Variants in ADAMTSL1 observed in about 807,000 individuals in gnomAD.
ADAMTSL1 encodes the protein ADAMTS-like protein 1.
In ADAMTSL1, 126 loss-of-function variants were observed where a neutral mutation model predicts 201.8. The observed-to-expected ratio is 0.62, with a 90% CI of 0.54 to 0.72. The LOEUF (loss-of-function observed/expected upper bound fraction) is 0.72, where lower values mean the gene tolerates loss of function less well. ADAMTSL1 is among the 30% of genes least tolerant of loss of function. The pLI, the probability that ADAMTSL1 is intolerant of heterozygous loss-of-function variation, is 0.00. For synonymous variants in ADAMTSL1, 1,121 were observed against 903.4 expected, an observed-to-expected ratio of 1.24 and a Z score of -4.32; for missense variants, 2,679 against 2,277.8, an observed-to-expected ratio of 1.18 and a Z score of -3.59.
intron 2 of ADAMTSL1, among the ~76,000 whole-genome samples, chr9:18,367,932 CTCTG>C (rs1220246868): frequency 6.6e-6 from 1 of 151,940 alleles, no homozygotes; most frequent in Non-Finnish European, 1.5e-5. Flanking sequence ...CGGAGTCTCG[CTCTG>C]TCGCCCAGGC....
intron 1 of ADAMTSL1, among the ~76,000 whole-genome samples, chr9:18,044,500 G>T (rs938328613): frequency 6.6e-6 from 1 of 152,108 alleles, no homozygotes; most frequent in Non-Finnish European, 1.5e-5. Context: ...TTGGTGTAGG[G>T]ACTTGTAGGC....
chr9:18,214,775 T>G (rs1167525645), intron 2 of ADAMTSL1, among the ~76,000 whole-genome samples: 1 of 152,188 alleles, frequency 6.6e-6, no homozygotes, highest in Non-Finnish European at 1.5e-5. Context: ...TCAAAACATT[T>G]TAGAGAAAAT....
At chr9:18,814,918 A>G (rs894462516) in intron 20 of ADAMTSL1, among the ~76,000 whole-genome samples, 44 of 152,234 alleles carry the variant, frequency 2.9e-4, no homozygotes, top group African/African-American at 9.4e-4. Flanking sequence ...ACGTTTCTCA[A>G]AAGAATACAT....
Position 17,939,669 on chromosome 9 carries a change from C to CTCAT in ADAMTSL1, c.87+32761_87+32764dup, listed in dbSNP as rs568906030. Among the ~76,000 whole-genome samples the CTCAT allele has an allele frequency of 2.6e-4, 39 of 152,030 alleles. 1 individual carries two copies. In the East Asian group the frequency reaches 7.4e-3, roughly 29 times the overall value. ...TTTCAGCTGGATTTTGATGTTCTGC[C>CTCAT]TCATTCATTCATTCATTTACTTAGG... On this transcript the variant is annotated intron_variant, in intron 1 of 29. Coordinates refer to the ADAMTSL1 transcript ENST00000680146.
intron 1 of ADAMTSL1, among the ~76,000 whole-genome samples, chr9:18,119,208 A>G (rs1458068643): frequency 6.6e-6 from 1 of 152,220 alleles, no homozygotes; most frequent in Non-Finnish European, 1.5e-5. Flanking sequence ...AACACTTCTC[A>G]TCAAGATGCT....
intron 14 of ADAMTSL1, among the ~76,000 whole-genome samples, chr9:18,712,558 CA>C (rs1832681522): frequency 2.0e-5 from 3 of 151,896 alleles, no homozygotes; most frequent in Admixed American, 2.0e-4. Context: ...AAGAAAGAAT[CA>C]AAAGAAATGA....
intron 25 of ADAMTSL1, among the ~76,000 whole-genome samples, chr9:18,891,393 C>A (rs187483820): frequency 2.6e-5 from 4 of 151,966 alleles, no homozygotes; most frequent in Admixed American, 1.3e-4. Context: ...TTTTTTTGTT[C>A]TAGATTACAT....
At chr9:18,716,986 G>A in intron 14 of ADAMTSL1, among the ~76,000 whole-genome samples, 1 of 129,534 alleles carries the variant, frequency 7.7e-6, no homozygotes, top group Non-Finnish European at 1.7e-5. Context: ...ACTATCGCAA[G>A]AACAAAAAAC....
chr9:18,023,859 A>G (rs1820582956), intron 1 of ADAMTSL1, among the ~76,000 whole-genome samples: 1 of 152,166 alleles, frequency 6.6e-6, no homozygotes. Flanking sequence ...AATTCAGGAG[A>G]AAATAGTTTG....
rs1828997711 is a variant in ADAMTSL1 at position 18,887,850 on chromosome 9, C to A, written c.4269C>A (p.His1423Gln). Residue 1423 changes from histidine to glutamine, a missense_variant, in exon 24 of 29, where the codon CAC (histidine) becomes CAA (glutamine). By Grantham distance (24) the His-to-Gln change is conservative. Coordinates refer to ENST00000380548, the MANE Select transcript of ADAMTSL1 (RefSeq NM_001040272.6). ...SALLGCPIKG[H>Q]PVPNITWFHG... ...TTCTAGGCTGCCCCATCAAAGGTCA[C>A]CCTGTCCCTAATATCACCTGGTTTC... The A allele has an allele frequency of 6.2e-7, 1 of 1,613,782 alleles. No homozygotes were observed. The highest frequency in any genetic ancestry group is 8.5e-7 in the Non-Finnish European group (1 of 1,179,884).
chr9:18,390,792 AAAAAC>A (rs1216219512), intron 2 of ADAMTSL1, among the ~76,000 whole-genome samples: 1 of 152,160 alleles, frequency 6.6e-6, no homozygotes, highest in Non-Finnish European at 1.5e-5. Context: ...AAAAATACAA[AAAAAC>A]AAAACAAAAC....
At chr9:18,313,745 T>C (rs1027784994) in intron 2 of ADAMTSL1, among the ~76,000 whole-genome samples, 1 of 152,144 alleles carries the variant, frequency 6.6e-6, no homozygotes, top group Non-Finnish European at 1.5e-5. Context: ...GAGGAAAGTA[T>C]AGGGAAAGAA....
chr9:18,296,551 T>C (rs1340562093), intron 2 of ADAMTSL1, among the ~76,000 whole-genome samples: 1 of 152,182 alleles, frequency 6.6e-6, no homozygotes, highest in Non-Finnish European at 1.5e-5. Context: ...TATAAATAAA[T>C]TTGGTAAAAC....
At chr9:18,173,295 T>G (rs1017114064) in intron 2 of ADAMTSL1, among the ~76,000 whole-genome samples, 18 of 152,026 alleles carry the variant, frequency 1.2e-4, no homozygotes, top group Admixed American at 4.6e-4. Flanking sequence ...TGCCCAAGAT[T>G]TAATATATTT....
At chr9:18,074,599 A>AT (rs1485425318) in intron 1 of ADAMTSL1, among the ~76,000 whole-genome samples, 20 of 38,530 alleles carry the variant, frequency 5.2e-4, no homozygotes, top group Non-Finnish European at 9.2e-4. Flanking sequence ...TGTTGTTGTT[A>AT]TTGTTGTTGA....
intron 1 of ADAMTSL1, among the ~76,000 whole-genome samples, chr9:18,491,855 G>C (rs1457381153): frequency 6.6e-6 from 1 of 152,116 alleles, no homozygotes; most frequent in African/African-American, 2.4e-5. Flanking sequence ...TACAGATAAT[G>C]ATGACAAATT....
chr9:18,288,434 T>A (rs1483683792), intron 2 of ADAMTSL1, among the ~76,000 whole-genome samples: 1 of 152,200 alleles, frequency 6.6e-6, no homozygotes, highest in Admixed American at 6.5e-5. Flanking sequence ...TTTCTCAACT[T>A]TAAAGGACTA....
At chr9:18,060,193 T>C (rs1822387159) in intron 1 of ADAMTSL1, among the ~76,000 whole-genome samples, 1 of 152,292 alleles carries the variant, frequency 6.6e-6, no homozygotes, top group Non-Finnish European at 1.5e-5. Context: ...TTAAGTGCAA[T>C]TGGCAGCATA....
chr9:18,688,689 AATATAT>A lies in ADAMTSL1; in HGVS notation c.1574+3904_1574+3909del, dbSNP rs1554730405. ...AAAAAAAAAAAAAAAAAAAAAAAAA[AATATAT>A]ATATATATATATATGACTGTGACTA... On this transcript the variant is annotated intron_variant, in intron 13 of 28. Coordinates refer to ENST00000380548, the MANE Select transcript of ADAMTSL1 (RefSeq NM_001040272.6). 1.5e-3 allele frequency among the ~76,000 whole-genome samples: 13 copies of A among 8,652 alleles called. 2 individuals carry two copies. The highest frequency in any genetic ancestry group is 2.4e-3 in the Non-Finnish European group (11 of 4,518). The allele number at this position is 8,652 out of a possible 152,430, so 5.7% of individuals were successfully genotyped here.
Sources: gnomAD v4.1 joint callset for allele counts (sites outside exome capture counted in the v4.1 genomes callset) on GRCh38, gnomAD v4.1.1 for gene constraint, MANE v1.5 for transcripts, NCBI Gene and HGNC (gene_info 2026-07-23, HGNC 2026-07-21) for gene names.